The following MICAL3 variants were observed in gnomAD, a reference collection of about 807,000 sequenced individuals.
MICAL3 encodes microtubule associated monooxygenase, calponin and LIM domain containing 3.
In MICAL3, 62 loss-of-function variants were observed where a neutral mutation model predicts 207.4. The observed-to-expected ratio is 0.30, with a 90% CI of 0.24 to 0.37. MICAL3 has a LOEUF of 0.37. MICAL3 is among the 10% of genes least tolerant of loss of function. The pLI is 1.00. For missense variants in MICAL3, 2,368 were observed against 2,635.6 expected, an observed-to-expected ratio of 0.90 and a Z score of 2.22; for synonymous variants, 1,077 against 1,069.3, an observed-to-expected ratio of 1.01 and a Z score of -0.14.
rs1298425065 is a variant in MICAL3 at position 17,810,624 on chromosome 22, AGGGAGC to A, written c.5556+73_5556+78del. Reference sequence around the variant, plus strand: ...CTGCTCTGCACTGTGCTTGTGTGGCAGGGAGCAGCTGGGTGGATAGGGAGATGCTGC... The same window carrying A: ...CTGCTCTGCACTGTGCTTGTGTGGCAAGCTGGGTGGATAGGGAGATGCTGC... On this transcript the variant is annotated intron_variant, in intron 28 of 31. Coordinates refer to ENST00000441493, the MANE Select transcript of MICAL3 (RefSeq NM_015241.3). The A allele has an allele frequency of 3.1e-5, 36 of 1,152,052 alleles. No homozygotes were observed. The East Asian group carries it at 7.8e-4, about 25-fold the overall frequency. The allele number at this position is 1,152,052 out of a possible 1,614,324, so 71.4% of individuals were successfully genotyped here.
In MICAL3 at chr22:18,021,970, G is replaced by A. The variant is rs554041221; in HGVS notation, c.-75+2311C>T. 5.3e-4 allele frequency among the ~76,000 whole-genome samples: 81 copies of A among 152,256 alleles called. No homozygotes were observed. The South Asian group carries it at 0.012, about 23-fold the overall frequency. ...TTCTCTACTTAACCCAAATGAAAGC[G>A]AGGTCATTAGGAAGCTGTGCCTGGT... On this transcript the variant is annotated intron_variant, in intron 1 of 31. Coordinates refer to ENST00000441493, the MANE Select transcript of MICAL3 (RefSeq NM_015241.3).
intron 1 of MICAL3, among the ~76,000 whole-genome samples, chr22:17,924,241 G>A (rs985097941): frequency 2.0e-5 from 3 of 152,170 alleles, no homozygotes; most frequent in Non-Finnish European, 4.4e-5. Context: ...GACACCGTCA[G>A]TCCTCTCACA....
In MICAL3 at chr22:17,902,826, C is replaced by G; in HGVS notation, c.473-79G>C. 1 of 837,910 alleles carries G rather than the reference C, an allele frequency of 1.2e-6. No individual in the cohort carries two copies. 51.9% of individuals were successfully genotyped at this position (837,910 alleles called of 1,614,324 possible). A position where few individuals can be genotyped will look rare whatever the true frequency, so the allele number is the denominator to read the frequency against. ...ATCCGTGTCGCAGCTCAGGCTCCCA[C>G]CCCGCCACCTACGCCCCCTTCATTC... On this transcript the variant is annotated intron_variant, in intron 3 of 31. Coordinates refer to ENST00000441493, the MANE Select transcript of MICAL3 (RefSeq NM_015241.3). This position sits in a 1 kb window ranked among gnomAD's most constrained non-coding sequence, Gnocchi z 4.5.
chr22:17,943,280 C>T (rs529090464), intron 1 of MICAL3, among the ~76,000 whole-genome samples: 116 of 152,194 alleles, frequency 7.6e-4, no homozygotes, highest in Non-Finnish European at 1.5e-3. Context: ...CTCCTGACTC[C>T]GCCTCCCGAG....
chr22:17,895,763 T>C (rs1290096574), intron 9 of MICAL3, among the ~76,000 whole-genome samples: 1 of 152,192 alleles, frequency 6.6e-6, no homozygotes, highest in Non-Finnish European at 1.5e-5. Flanking sequence ...ATTATCACTA[T>C]ATTTAGTCAG....
chr22:17,819,740 C>G (rs1377096138), intron 25 of MICAL3, among the ~76,000 whole-genome samples: 1 of 151,258 alleles, frequency 6.6e-6, no homozygotes, highest in Non-Finnish European at 1.5e-5. Flanking sequence ...GAGATCGAGA[C>G]CATCCTGGCT....
intron 1 of MICAL3, among the ~76,000 whole-genome samples, chr22:18,003,892 C>T (rs1456140857): frequency 1.3e-5 from 2 of 152,158 alleles, no homozygotes; most frequent in Non-Finnish European, 2.9e-5. Flanking sequence ...GCCTCAGCCT[C>T]CCAAGTAGCT....
chr22:17,969,671 T>C (rs1367899475), intron 1 of MICAL3, among the ~76,000 whole-genome samples: 1 of 152,230 alleles, frequency 6.6e-6, no homozygotes, highest in African/African-American at 2.4e-5. Flanking sequence ...TTCTAGAAAC[T>C]TATTTTGGGA....
chr22:17,860,948 T>C (rs766390517), intron 19 of MICAL3: 30 of 984,238 alleles, frequency 3.0e-5, no homozygotes, highest in Non-Finnish European at 3.6e-5. Flanking sequence ...GGGTGCAACA[T>C]ATAAATAAAT....
chr22:17,820,662 T>C (rs1921485211), intron 25 of MICAL3, among the ~76,000 whole-genome samples: 1 of 152,120 alleles, frequency 6.6e-6, no homozygotes, highest in African/African-American at 2.4e-5. Context: ...CCAGATGTTG[T>C]AAATTTCAAT....
At chr22:17,954,107 C>A (rs930979105) in intron 1 of MICAL3, among the ~76,000 whole-genome samples, 36 of 152,124 alleles carry the variant, frequency 2.4e-4, no homozygotes, top group African/African-American at 8.4e-4. Flanking sequence ...GTGGGAAACT[C>A]CCCCTGCTAG....
At chr22:17,884,483 G>C (rs936801080) in intron 16 of MICAL3, 1 of 657,960 alleles carries the variant, frequency 1.5e-6, no homozygotes, top group Non-Finnish European at 2.5e-6. Context: ...GTGAACTGTG[G>C]GGAAGAGGGG....
intron 29 of MICAL3, among the ~76,000 whole-genome samples, chr22:17,800,317 T>C (rs779780492): frequency 2.6e-5 from 4 of 152,234 alleles, no homozygotes; most frequent in Non-Finnish European, 1.5e-5. Flanking sequence ...GGTTTTCTTC[T>C]AGATTTCCAG....
At chr22:17,936,918 C>T (rs1933558330) in intron 1 of MICAL3, among the ~76,000 whole-genome samples, 1 of 152,196 alleles carries the variant, frequency 6.6e-6, no homozygotes, top group East Asian at 1.9e-4. Flanking sequence ...TTTGGTAGGT[C>T]TCCTCTCTGA....
intron 1 of MICAL3, among the ~76,000 whole-genome samples, chr22:17,940,406 A>AGAAG (rs1359842136): frequency 6.6e-6 from 1 of 152,154 alleles, no homozygotes; most frequent in Non-Finnish European, 1.5e-5. Context: ...CTCTGTCTGA[A>AGAAG]GAAGGAAGGA....
chr22:17,983,877 G>A (rs1936038915), intron 1 of MICAL3, among the ~76,000 whole-genome samples: 2 of 152,074 alleles, frequency 1.3e-5, no homozygotes, highest in South Asian at 4.1e-4. Flanking sequence ...GAAGGATTCA[G>A]GAGTCAAGGG....
At chr22:17,834,467 G>C (rs1187309865) in intron 20 of MICAL3, 24 of 1,278,214 alleles carry the variant, frequency 1.9e-5, no homozygotes, top group Non-Finnish European at 2.4e-5. Flanking sequence ...TGTGATCCCA[G>C]CACTGTGGGA....
intron 21 of MICAL3, 138 bp downstream of exon 21, chr22:17,831,716 A>T (rs1922826292): frequency 7.2e-7 from 1 of 1,384,486 alleles, no homozygotes; most frequent in African/African-American, 1.5e-5. Flanking sequence ...CCCATGTCTT[A>T]TGTCAGGAGG....
intron 19 of MICAL3, chr22:17,842,404 T>C (rs539103236): frequency 7.3e-4 from 145 of 197,996 alleles, no homozygotes; most frequent in African/African-American, 3.3e-3. Flanking sequence ...CGGTGCAGTC[T>C]GCCCCAGGGA....
Sources: gnomAD v4.1 joint callset for allele counts (sites outside exome capture counted in the v4.1 genomes callset) on GRCh38, gnomAD v4.1.1 for gene constraint, Gnocchi (gnomAD v3.1) non-coding constraint, MANE v1.5 for transcripts, NCBI Gene and HGNC (gene_info 2026-07-23, HGNC 2026-07-21) for gene names.